SLC24A4: variants seen among roughly 807,000 people sequenced by gnomAD.
The protein encoded by SLC24A4 is solute carrier family 24 member 4, also known as sodium/potassium/calcium exchanger 4.
In SLC24A4, 53 loss-of-function variants were observed where a neutral mutation model predicts 79.0. The ratio of observed to expected loss-of-function variants is 0.67; its 90% CI spans 0.54 to 0.84. The LOEUF is 0.84. Ranked by LOEUF, SLC24A4 falls within the 40% of genes least tolerant of loss-of-function variation. The pLI is 0.00. For missense variants in SLC24A4, 731 were observed against 822.0 expected, an observed-to-expected ratio of 0.89 and a Z score of 1.35; for synonymous variants, 323 against 323.8, an observed-to-expected ratio of 1.00 and a Z score of 0.03.
At chr14:92,334,321 T>C (rs79197213) in intron 2 of SLC24A4, among the ~76,000 whole-genome samples, 18 of 152,128 alleles carry the variant, frequency 1.2e-4, no homozygotes, top group Non-Finnish European at 2.4e-4. Flanking sequence ...TTGGGGAAAC[T>C]GTCACCAACC....
chr14:92,418,494 T>C (rs972379328), intron 2 of SLC24A4, among the ~76,000 whole-genome samples: 3 of 152,088 alleles, frequency 2.0e-5, no homozygotes, highest in Admixed American at 6.6e-5. Flanking sequence ...ATCCTATATG[T>C]GTGTGTGTTG....
Position 92,454,079 on chromosome 14 carries a change from C to T in SLC24A4, c.1050+10C>T. On this transcript the variant is annotated intron_variant, in intron 11 of 16. Transcript: ENST00000532405. ...GATCATCATTAATGAGGTGAGTTTG[C>T]TTGAAGGACCATAAAAGTGAGCAGC... The T allele has an allele frequency of 2.5e-6, 4 of 1,609,332 alleles. No homozygotes were observed. Among genetic ancestry groups the T allele is most frequent in the Non-Finnish European group, 3.4e-6 (4 of 1,177,726 alleles).
intron 7 of SLC24A4, 144 bp downstream of exon 7, chr14:92,443,618 C>A: frequency 1.2e-6 from 1 of 843,620 alleles, no homozygotes; most frequent in South Asian, 1.6e-5. Context: ...TCACTGCGGT[C>A]ACAGTGACCA....
intron 2 of SLC24A4, among the ~76,000 whole-genome samples, chr14:92,356,633 A>C (rs1282092140): frequency 6.6e-6 from 1 of 152,238 alleles, no homozygotes; most frequent in South Asian, 2.1e-4. Flanking sequence ...GAATTAATAC[A>C]TGTAAGTCAC....
intron 2 of SLC24A4, among the ~76,000 whole-genome samples, chr14:92,372,236 C>T (rs1349886100): frequency 6.6e-6 from 1 of 152,170 alleles, no homozygotes; most frequent in Admixed American, 6.5e-5. Flanking sequence ...TCTCCCAGCC[C>T]CTGGGACCTG....
chr14:92,362,359 T>C (rs1438414352), intron 2 of SLC24A4, among the ~76,000 whole-genome samples: 1 of 152,182 alleles, frequency 6.6e-6, no homozygotes, highest in Non-Finnish European at 1.5e-5. Flanking sequence ...ACCTCTGTGC[T>C]GCTCCCTCTC....
At chr14:92,418,284 GCTGTGAGGCTC>G (rs1891089179) in intron 2 of SLC24A4, among the ~76,000 whole-genome samples, 1 of 152,148 alleles carries the variant, frequency 6.6e-6, no homozygotes, top group Admixed American at 6.5e-5. Flanking sequence ...CTGGCTCACG[GCTGTGAGGCTC>G]CTCCTTGAAC....
At chr14:92,349,570 C>T (rs1420736372) in intron 2 of SLC24A4, among the ~76,000 whole-genome samples, 1 of 152,166 alleles carries the variant, frequency 6.6e-6, no homozygotes. Context: ...ATTTTATATG[C>T]CCTTCACCTT....
At chr14:92,471,172 G>C (rs569086288) in intron 12 of SLC24A4, among the ~76,000 whole-genome samples, 58 of 152,278 alleles carry the variant, frequency 3.8e-4, no homozygotes, top group Non-Finnish European at 7.5e-4. Flanking sequence ...TGAAGCTCTA[G>C]CATCAGTATC....
At chr14:92,326,064 A>T in intron 2 of SLC24A4, 86 bp downstream of exon 2, 1 of 919,252 alleles carries the variant, frequency 1.1e-6, no homozygotes, top group Non-Finnish European at 1.7e-6. Flanking sequence ...TTACAGCCAG[A>T]GCTGAGAAAG....
At chr14:92,367,179 A>G (rs1272924962) in intron 2 of SLC24A4, among the ~76,000 whole-genome samples, 1 of 152,192 alleles carries the variant, frequency 6.6e-6, no homozygotes, top group Non-Finnish European at 1.5e-5. Flanking sequence ...GTCCTTTAAT[A>G]TTGATCACCT....
rs1595311964 is a variant in SLC24A4, at chr14:92,456,532, G to A, written c.1179G>A (p.Gln393=). The change falls in exon 12 of 17, where the codon CAG becomes CAA. Residue 393 remains glutamine (Q), a synonymous_variant. Coordinates refer to ENST00000532405, the MANE Select transcript of SLC24A4 (RefSeq NM_153646.4). ...NPEDPQQNQE[Q]QPPPQPPPPE... ...AAGACCCTCAGCAGAATCAGGAGCA[G>A]CAGCCGCCGCCACAGCCACCACCGC... is the stretch of plus-strand genomic sequence containing the variant. 4 of 1,613,688 alleles carry A rather than the reference G, an allele frequency of 2.5e-6. No homozygotes were observed. Among genetic ancestry groups the A allele is most frequent in the African/African-American group, 1.3e-5 (1 of 75,048 alleles).
At chr14:92,492,650 C>T (rs777149693) in intron 16 of SLC24A4, among the ~76,000 whole-genome samples, 4 of 152,136 alleles carry the variant, frequency 2.6e-5, no homozygotes, top group Non-Finnish European at 4.4e-5. Context: ...TTGACTTCAG[C>T]GTCACTTTAT....
chr14:92,501,194 A>G lies in SLC24A4; in HGVS notation c.*7566A>G, dbSNP rs1896147301. On this transcript the variant is annotated 3_prime_UTR_variant, in exon 17 of 17. Transcript: ENST00000532405. ...TGGGCAAAGCAGGATCATCGAGTTG[A>G]AAAGTTGTAAATAATGAGGATATTT... The G allele has an allele frequency of 6.6e-6, 1 of 152,212 alleles. No homozygotes were observed. The highest frequency in any genetic ancestry group is 1.5e-5 in the Non-Finnish European group (1 of 68,036). 9.4% of individuals were successfully genotyped at this position (152,212 alleles called of 1,614,324 possible). A position where few individuals can be genotyped will look rare whatever the true frequency, so the allele number is the denominator to read the frequency against.
intron 2 of SLC24A4, among the ~76,000 whole-genome samples, chr14:92,369,817 C>T (rs4900117): frequency 0.99 from 150,549 of 152,310 alleles, 74,422 homozygotes; most frequent in Middle Eastern, 1. Context: ...CCCGAAGTCT[C>T]GAGTAAAAAT....
At chr14:92,381,459 T>C (rs1232682477) in intron 2 of SLC24A4, among the ~76,000 whole-genome samples, 2 of 151,960 alleles carry the variant, frequency 1.3e-5, no homozygotes, top group African/African-American at 4.8e-5. Flanking sequence ...AGGGAGAGCA[T>C]TAGGACAAAT....
intron 2 of SLC24A4, among the ~76,000 whole-genome samples, chr14:92,417,146 A>G (rs955954210): frequency 6.6e-6 from 1 of 152,210 alleles, no homozygotes; most frequent in Admixed American, 6.5e-5. Context: ...GACCATGTAC[A>G]GTCATGCACC....
chr14:92,429,647 C>T (rs1245707103), intron 2 of SLC24A4, among the ~76,000 whole-genome samples: 1 of 152,146 alleles, frequency 6.6e-6, no homozygotes, highest in Admixed American at 6.5e-5. Flanking sequence ...AGGGCCTGCT[C>T]CTGGATGGAG....
In SLC24A4 at chr14:92,342,422, C is replaced by T. The variant is rs1393137292; in HGVS notation, c.241+16444C>T. 9.5e-5 allele frequency among the ~76,000 whole-genome samples: 14 copies of T among 147,472 alleles called. 1 individual carries two copies. In the Middle Eastern group the frequency reaches 0.014, roughly 145 times the overall value. On this transcript the variant is annotated intron_variant, in intron 2 of 16. Transcript: ENST00000532405. ...TTTTGAGATGGACTTTTGCTCTTGTCGCCCAGGCTGGAGTGCAATGGCGCG... is the reference window on the plus strand; with the variant it reads ...TTTTGAGATGGACTTTTGCTCTTGTTGCCCAGGCTGGAGTGCAATGGCGCG...
Sources: gnomAD v4.1 joint callset for allele counts (sites outside exome capture counted in the v4.1 genomes callset) on GRCh38, gnomAD v4.1.1 for gene constraint, MANE v1.5 for transcripts, NCBI Gene and HGNC (gene_info 2026-07-23, HGNC 2026-07-21) for gene names.